The following IGFBP2 variants were observed in gnomAD, a reference collection of about 807,000 sequenced individuals.
IGFBP2 encodes the protein insulin-like growth factor-binding protein 2.
IGFBP2 carries 12 observed loss-of-function variants against 26.2 expected under a neutral mutation model. The ratio of observed to expected loss-of-function variants is 0.46; its 90% CI spans 0.29 to 0.74. IGFBP2 has a LOEUF of 0.74. IGFBP2 is among the 30% of genes least tolerant of loss of function. IGFBP2 has a pLI of 0.09. For synonymous variants in IGFBP2, 189 were observed against 200.6 expected, an observed-to-expected ratio of 0.94 and a Z score of 0.49; for missense variants, 328 against 441.2, an observed-to-expected ratio of 0.74 and a Z score of 2.30.
chr2:216,646,339 A>G (rs1160919782), intron 1 of IGFBP2, among the ~76,000 whole-genome samples: 1 of 152,192 alleles, frequency 6.6e-6, no homozygotes, highest in Admixed American at 6.5e-5. Context: ...TGTGGGTCTT[A>G]GGACAGGCAT....
rs1698022204 is a variant in IGFBP2 at position 216,660,665 on chromosome 2, G to A, written c.551G>A (p.Gly184Asp). The part of the protein sequence containing the change: ...GSAGRKPLKS[G>D]MKELAVFREK... The stretch of plus-strand genomic sequence containing the variant: ...GCTGGCCGGAAGCCCCTCAAGTCGG[G>A]TATGAAGGAGCTGGCCGTGTTCCGG... Residue 184 changes from glycine (G) to aspartate (D), a missense_variant, in exon 2 of 4, where the codon GGT becomes GAT. Physicochemically the swap from Gly to Asp is moderately conservative, Grantham distance 94 (BLOSUM62 -1). Transcript: ENST00000233809. The A allele has an allele frequency of 6.2e-7, 1 of 1,614,038 alleles. No individual in the cohort carries two copies. Among genetic ancestry groups the A allele is most frequent in the Non-Finnish European group, 8.5e-7 (1 of 1,180,036 alleles).
chr2:216,646,724 C>T (rs1337089992), intron 1 of IGFBP2, among the ~76,000 whole-genome samples: 1 of 152,188 alleles, frequency 6.6e-6, no homozygotes, highest in Non-Finnish European at 1.5e-5. Flanking sequence ...CTTTATAAAA[C>T]CATCAGATCT....
rs1191096035 is a variant in IGFBP2, at chr2:216,634,892, C to CT, written c.442+941dup. On this transcript the variant is annotated intron_variant, in intron 1 of 3. Transcript: ENST00000233809. ...ACACAACCAGGCTCTAAGGAGGTTACTTTTTTTTTTTTTTAATTACGAAAG... is the reference window on the plus strand; with the variant it reads ...ACACAACCAGGCTCTAAGGAGGTTACTTTTTTTTTTTTTTTAATTACGAAAG... 5.5e-3 allele frequency among the ~76,000 whole-genome samples: 131 copies of CT among 23,818 alleles called. 3 individuals carry two copies. In the East Asian group the frequency reaches 0.23, roughly 42 times the overall value. The allele number at this position is 23,818 out of a possible 152,430, so 15.6% of individuals were successfully genotyped here. A position where few individuals can be genotyped will look rare whatever the true frequency, so the allele number is the denominator to read the frequency against.
chr2:216,660,789 C>G lies in IGFBP2; in HGVS notation c.672+3C>G, dbSNP rs371088847. The G allele has an allele frequency of 7.7e-6, 12 of 1,568,312 alleles. No homozygotes were observed. Among genetic ancestry groups the G allele is most frequent in the Non-Finnish European group, 1.0e-5 (12 of 1,157,674 alleles). ...AGCTGCGACCACCCCCTGCCAGGGT[C>G]AGTGAGGGTCAGGTCTGGTGGAAGG... On this transcript the variant is annotated splice_donor_region_variant and intron_variant, in intron 2 of 3. Coordinates refer to ENST00000233809, the MANE Select transcript of IGFBP2 (RefSeq NM_000597.3).
At chr2:216,641,806 C>A (rs1275504584) in intron 1 of IGFBP2, among the ~76,000 whole-genome samples, 20 of 150,782 alleles carry the variant, frequency 1.3e-4, no homozygotes, top group Non-Finnish European at 1.0e-4. Flanking sequence ...TCTCCTGCCT[C>A]AGCCTCCCGA....
intron 1 of IGFBP2, among the ~76,000 whole-genome samples, chr2:216,642,093 G>A (rs963305746): frequency 1.3e-5 from 2 of 149,080 alleles, no homozygotes; most frequent in African/African-American, 2.5e-5. Flanking sequence ...TCCATCTCCC[G>A]GGTTCATGCC....
At chr2:216,661,424 A>G (rs1437001579) in intron 2 of IGFBP2, 1 of 327,664 alleles carries the variant, frequency 3.1e-6, no homozygotes, top group African/African-American at 2.2e-5. Context: ...TCTTGTTGCC[A>G]TATGCTTCTC....
intron 1 of IGFBP2, among the ~76,000 whole-genome samples, chr2:216,647,722 A>C (rs9341149): frequency 6.6e-6 from 1 of 151,914 alleles, no homozygotes; most frequent in South Asian, 2.1e-4. Flanking sequence ...GGGTTTCACC[A>C]TGTTAGCCAG....
In IGFBP2 at chr2:216,642,549, G is replaced by A. The variant is rs183845155; in HGVS notation, c.442+8584G>A. On this transcript the variant is annotated intron_variant, in intron 1 of 3. Coordinates refer to ENST00000233809, the MANE Select transcript of IGFBP2 (RefSeq NM_000597.3). ...TCTCGATCTCCTGACCTTGTGATCC[G>A]CCCGCCTCGGCCTCCCAAAGTGCTG... Among the ~76,000 whole-genome samples the A allele has an allele frequency of 2.5e-3, 375 of 152,102 alleles. 3 individuals carry two copies. The highest frequency in any genetic ancestry group is 8.4e-3 in the African/African-American group (350 of 41,458).
intron 2 of IGFBP2, chr2:216,661,447 C>A: frequency 2.9e-6 from 1 of 346,830 alleles, no homozygotes; most frequent in Non-Finnish European, 5.6e-6. Context: ...ACTGAGCTAC[C>A]CCTCCCCTCT....
intron 1 of IGFBP2, among the ~76,000 whole-genome samples, chr2:216,642,654 A>T (rs922920591): frequency 2.6e-5 from 4 of 152,044 alleles, no homozygotes; most frequent in African/African-American, 9.7e-5. Context: ...TTTGGATCCG[A>T]TGTGCTGATG....
At position 216,661,369 on chromosome 2, in the gene IGFBP2, G is replaced by C. The variant is rs943222006; in HGVS notation, c.673-489G>C. 1.4e-5 allele frequency: 4 copies of C among 280,308 alleles called. No individual in the cohort carries two copies. In the Admixed American group the frequency reaches 1.5e-4, roughly 10 times the overall value. The allele number at this position is 280,308 out of a possible 1,614,324, so 17.4% of individuals were successfully genotyped here. On this transcript the variant is annotated intron_variant, in intron 2 of 3. Coordinates refer to ENST00000233809, the MANE Select transcript of IGFBP2 (RefSeq NM_000597.3). Reference sequence around the variant, plus strand: ...TCCTCCCACCTCGGCCTCCCGAAGCGCTGGGATTACAGGCGCCAGCCACTG... The same window carrying C: ...TCCTCCCACCTCGGCCTCCCGAAGCCCTGGGATTACAGGCGCCAGCCACTG...
chr2:216,644,190 G>C (rs537334635), intron 1 of IGFBP2, among the ~76,000 whole-genome samples: 27 of 145,394 alleles, frequency 1.9e-4, no homozygotes, highest in African/African-American at 6.2e-4. Flanking sequence ...CTGTGGGCGG[G>C]GGGAGGGACA....
At chr2:216,650,558 G>A (rs1251134770) in intron 1 of IGFBP2, among the ~76,000 whole-genome samples, 1 of 152,196 alleles carries the variant, frequency 6.6e-6, no homozygotes, top group Non-Finnish European at 1.5e-5. Flanking sequence ...TTTTGTCACC[G>A]TGGAAGGGCA....
At chr2:216,662,043 C>T (rs747398088) in intron 3 of IGFBP2, 45 bp downstream of exon 3, 11 of 1,604,682 alleles carry the variant, frequency 6.9e-6, no homozygotes, top group Non-Finnish European at 8.5e-6. Flanking sequence ...CTCCTCAGCC[C>T]TGGGCCCCAG....
At chr2:216,659,766 T>G in intron 1 of IGFBP2, 1 of 1,529,050 alleles carries the variant, frequency 6.5e-7, no homozygotes, top group Non-Finnish European at 8.8e-7. Flanking sequence ...AGCTATGAAG[T>G]CGAAGGAGTC....
chr2:216,664,035 C>A lies in IGFBP2; in HGVS notation c.909C>A (p.Asp303Glu), dbSNP rs373291264. Residue 303 changes from aspartate (D) to glutamate (E), a missense_variant, in exon 4 of 4, where the codon GAC (aspartate) becomes GAA (glutamate). By Grantham distance (45) the Asp-to-Glu change is conservative. Transcript: ENST00000233809. This position sits in a 1 kb window ranked among gnomAD's most constrained non-coding sequence, Gnocchi z 4.6. ...LIQGAPTIRGDPECHLFYNEQ... is the reference protein window; with the variant it reads ...LIQGAPTIRGEPECHLFYNEQ... ...AGGGAGCCCCCACCATCCGGGGGGACCCCGAGTGTCATCTCTTCTACAATG... is the reference window on the plus strand; with the variant it reads ...AGGGAGCCCCCACCATCCGGGGGGAACCCGAGTGTCATCTCTTCTACAATG... The A allele has an allele frequency of 6.2e-7, 1 of 1,614,008 alleles. No individual in the cohort carries two copies. Among genetic ancestry groups the A allele is most frequent in the East Asian group, 2.2e-5 (1 of 44,872 alleles).
intron 1 of IGFBP2, among the ~76,000 whole-genome samples, chr2:216,636,345 C>G (rs1697495455): frequency 6.6e-6 from 1 of 152,146 alleles, no homozygotes; most frequent in Non-Finnish European, 1.5e-5. Flanking sequence ...CCTCTTATTT[C>G]GAGGCAGCGA....
intron 1 of IGFBP2, among the ~76,000 whole-genome samples, chr2:216,647,466 CTT>C (rs1248557916): frequency 3.3e-5 from 5 of 152,120 alleles, no homozygotes; most frequent in African/African-American, 1.2e-4. Context: ...TACCAGAAGA[CTT>C]TACCCAGCAG....
Sources: allele counts gnomAD v4.1 joint callset (sites outside exome capture counted in the v4.1 genomes callset), GRCh38; gene constraint gnomAD v4.1.1; non-coding constraint Gnocchi (gnomAD v3.1); transcripts MANE v1.5; gene names NCBI Gene and HGNC (gene_info 2026-07-23, HGNC 2026-07-21).